The following NUMB variants were observed in gnomAD, a reference collection of about 807,000 sequenced individuals.
NUMB encodes the protein protein numb homolog.
In NUMB, 29 loss-of-function variants were observed where a neutral mutation model predicts 59.7. The observed-to-expected ratio is 0.49, with a 90% CI of 0.36 to 0.66. The LOEUF (loss-of-function observed/expected upper bound fraction) is 0.66, where lower values mean the gene tolerates loss of function less well. Ranked by LOEUF, NUMB falls within the 30% of genes least tolerant of loss-of-function variation. The pLI is 0.00. For missense variants in NUMB, 723 were observed against 822.0 expected, an observed-to-expected ratio of 0.88 and a Z score of 1.47; for synonymous variants, 288 against 288.2, an observed-to-expected ratio of 1.00 and a Z score of 0.01.
At chr14:73,288,047 G>A (rs1453187410) in intron 8 of NUMB, among the ~76,000 whole-genome samples, 1 of 152,172 alleles carries the variant, frequency 6.6e-6, no homozygotes, top group Non-Finnish European at 1.5e-5. Context: ...GGAGCTTAAT[G>A]CACTGTTAAT....
intron 1 of NUMB, among the ~76,000 whole-genome samples, chr14:73,424,957 G>T (rs1479446972): frequency 6.6e-6 from 1 of 152,222 alleles, no homozygotes; most frequent in Non-Finnish European, 1.5e-5. Context: ...CTGGAAGTTT[G>T]TCCTATAATA....
chr14:73,404,713 T>C (rs1487562778), intron 2 of NUMB, among the ~76,000 whole-genome samples: 3 of 152,206 alleles, frequency 2.0e-5, no homozygotes, highest in Non-Finnish European at 4.4e-5. Flanking sequence ...GTAAAGGGCA[T>C]ATAGGACTTC....
intron 4 of NUMB, among the ~76,000 whole-genome samples, chr14:73,325,275 C>T (rs1426859104): frequency 6.6e-6 from 1 of 152,086 alleles, no homozygotes; most frequent in Non-Finnish European, 1.5e-5. Flanking sequence ...CAAGACCAGC[C>T]TGGACAACAT....
chr14:73,316,347 G>A (rs767952369), intron 6 of NUMB, 43 bp downstream of exon 6: 2 of 1,578,960 alleles, frequency 1.3e-6, no homozygotes, highest in South Asian at 2.2e-5. Context: ...CACTAGGGGT[G>A]TAACTCCTTA....
At chr14:73,414,438 G>C (rs1897031884) in intron 1 of NUMB, among the ~76,000 whole-genome samples, 3 of 152,142 alleles carry the variant, frequency 2.0e-5, no homozygotes, top group African/African-American at 7.2e-5. Context: ...CTGTCGCTCT[G>C]GCTGGAATGC....
chr14:73,313,052 T>C (rs1290633733), intron 6 of NUMB, among the ~76,000 whole-genome samples: 1 of 151,766 alleles, frequency 6.6e-6, no homozygotes, highest in Non-Finnish European at 1.5e-5. Flanking sequence ...AGTGGTGTGA[T>C]CTAGGCTCAC....
At chr14:73,354,756 A>T (rs1893682778) in intron 4 of NUMB, among the ~76,000 whole-genome samples, 1 of 133,750 alleles carries the variant, frequency 7.5e-6, no homozygotes, top group Non-Finnish European at 1.5e-5. Context: ...TGAACCCAGG[A>T]GGTGGAGATT....
At chr14:73,416,252 A>G (rs921227690) in intron 1 of NUMB, among the ~76,000 whole-genome samples, 2 of 152,126 alleles carry the variant, frequency 1.3e-5, no homozygotes, top group Non-Finnish European at 2.9e-5. Flanking sequence ...AATTTGACAC[A>G]TTCTCCATAC....
chr14:73,284,379 A>C lies in NUMB; in HGVS notation c.656-5T>G. Reference sequence around the variant, plus strand: ...CGACTATCTTATCTGTTTCAGCTCAAGAAAATAAAGAGAATGAAGACCTTA... The same window carrying C: ...CGACTATCTTATCTGTTTCAGCTCACGAAAATAAAGAGAATGAAGACCTTA... On this transcript the variant is annotated splice_polypyrimidine_tract_variant and splice_region_variant and intron_variant, in intron 9 of 12. Transcript: ENST00000555238. 4 of 1,605,480 alleles carry C rather than the reference A, an allele frequency of 2.5e-6. No homozygotes were observed. The highest frequency in any genetic ancestry group is 3.4e-6 in the Non-Finnish European group (4 of 1,174,856).
chr14:73,347,695 T>A (rs571373286), intron 4 of NUMB, among the ~76,000 whole-genome samples: 9 of 152,338 alleles, frequency 5.9e-5, no homozygotes, highest in African/African-American at 2.2e-4. Flanking sequence ...CTTTGGTTTC[T>A]AAGACCATAC....
At chr14:73,283,614 G>C (rs1223081823) in intron 10 of NUMB, among the ~76,000 whole-genome samples, 1 of 152,204 alleles carries the variant, frequency 6.6e-6, no homozygotes, top group Non-Finnish European at 1.5e-5. Flanking sequence ...GTACACGAAA[G>C]ACCTGTCTAG....
chr14:73,433,982 A>C (rs1897942438), intron 1 of NUMB, among the ~76,000 whole-genome samples: 1 of 151,886 alleles, frequency 6.6e-6, no homozygotes, highest in Non-Finnish European at 1.5e-5. Context: ...AATCCTAGCT[A>C]CTCCAGAGGC....
At chr14:73,340,355 A>T (rs1353911207) in intron 4 of NUMB, among the ~76,000 whole-genome samples, 1 of 152,102 alleles carries the variant, frequency 6.6e-6, no homozygotes, top group African/African-American at 2.4e-5. Context: ...ATGCCCAAAA[A>T]CCAACCCCAC....
chr14:73,371,058 G>C (rs867927522), intron 2 of NUMB, among the ~76,000 whole-genome samples: 1 of 152,070 alleles, frequency 6.6e-6, no homozygotes, highest in Non-Finnish European at 1.5e-5. Flanking sequence ...CAAAGTGCTG[G>C]GATTACAGGC....
intron 1 of NUMB, among the ~76,000 whole-genome samples, chr14:73,454,785 T>C (rs1398132206): frequency 6.6e-6 from 1 of 152,176 alleles, no homozygotes; most frequent in East Asian, 1.9e-4. Context: ...GAATAATAAG[T>C]CCACTTATTA....
intron 2 of NUMB, among the ~76,000 whole-genome samples, chr14:73,392,766 C>A (rs1174453698): frequency 6.6e-6 from 1 of 152,122 alleles, no homozygotes; most frequent in African/African-American, 2.4e-5. Context: ...TAGCAGGTAG[C>A]AGTTCAAAAG....
At chr14:73,439,592 T>C (rs1385153317) in intron 1 of NUMB, among the ~76,000 whole-genome samples, 1 of 152,126 alleles carries the variant, frequency 6.6e-6, no homozygotes, top group East Asian at 1.9e-4. Flanking sequence ...ATACAATCTT[T>C]ACAACACTTC....
chr14:73,407,497 A>G (rs1896723539), intron 2 of NUMB, among the ~76,000 whole-genome samples: 1 of 152,216 alleles, frequency 6.6e-6, no homozygotes, highest in South Asian at 2.1e-4. Context: ...GAACTAAAAT[A>G]TATTGTTTCA....
chr14:73,282,141 G>C, intron 11 of NUMB: 2 of 472,674 alleles, frequency 4.2e-6, no homozygotes, highest in South Asian at 7.6e-5. Flanking sequence ...GTGAAAGATG[G>C]GCACATGCAG....
Sources: allele counts gnomAD v4.1 joint callset (sites outside exome capture counted in the v4.1 genomes callset), GRCh38; gene constraint gnomAD v4.1.1; transcripts MANE v1.5; gene names NCBI Gene and HGNC (gene_info 2026-07-23, HGNC 2026-07-21).